Variants in CTNNA2 observed in about 807,000 individuals in gnomAD.
CTNNA2 encodes catenin alpha 2.
In CTNNA2, 42 loss-of-function variants were observed where a neutral mutation model predicts 101.0. That is an observed-to-expected ratio of 0.42 (90% CI 0.32 to 0.54). The LOEUF (loss-of-function observed/expected upper bound fraction) is 0.54, where lower values mean the gene tolerates loss of function less well. CTNNA2 is among the 20% of genes least tolerant of loss of function. The pLI, the probability that CTNNA2 is intolerant of heterozygous loss-of-function variation, is 0.14. For synonymous variants in CTNNA2, 450 were observed against 456.4 expected, an observed-to-expected ratio of 0.99 and a Z score of 0.18; for missense variants, 871 against 1,223.1, an observed-to-expected ratio of 0.71 and a Z score of 4.29.
chr2:80,632,277 A>AAC (rs141371762), intron 18 of CTNNA2, among the ~76,000 whole-genome samples: 8,701 of 147,716 alleles, frequency 0.059, 703 homozygotes, highest in African/African-American at 0.19. Flanking sequence ...CCCCCACCCC[A>AAC]ACACACACAC....
intron 9 of CTNNA2, among the ~76,000 whole-genome samples, chr2:80,544,471 CTAA>C (rs1299374122): frequency 6.6e-6 from 1 of 152,010 alleles, no homozygotes; most frequent in Non-Finnish European, 1.5e-5. Flanking sequence ...CAGCTGGCCT[CTAA>C]TAATATTTGA....
intron 2 of CTNNA2, among the ~76,000 whole-genome samples, chr2:79,254,846 G>A (rs1674821144): frequency 6.6e-6 from 1 of 152,128 alleles, no homozygotes; most frequent in Non-Finnish European, 1.5e-5. Context: ...CTTTATTAAA[G>A]TGCCTAGCGC....
chr2:79,208,173 G>T (rs904946352), intron 2 of CTNNA2, among the ~76,000 whole-genome samples: 3 of 152,092 alleles, frequency 2.0e-5, no homozygotes, highest in African/African-American at 7.2e-5. Flanking sequence ...TGCCCATCAT[G>T]AATGGGCATT....
intron 11 of CTNNA2, among the ~76,000 whole-genome samples, chr2:80,550,586 T>C (rs994079680): frequency 6.6e-6 from 1 of 152,248 alleles, no homozygotes; most frequent in African/African-American, 2.4e-5. Context: ...AATCCTTTGT[T>C]GTCATTTCAA....
intron 8 of CTNNA2, among the ~76,000 whole-genome samples, chr2:80,415,535 G>T (rs748605918): frequency 6.6e-6 from 1 of 152,208 alleles, no homozygotes; most frequent in African/African-American, 2.4e-5. Flanking sequence ...GTATGCATAT[G>T]TTTTCAATTT....
At chr2:79,750,725 A>T (rs564216567) in intron 3 of CTNNA2, among the ~76,000 whole-genome samples, 1 of 152,002 alleles carries the variant, frequency 6.6e-6, no homozygotes, top group African/African-American at 2.4e-5. Context: ...AAGAACCACA[A>T]CCAGGGGTTG....
intron 7 of CTNNA2, among the ~76,000 whole-genome samples, chr2:80,114,713 T>C (rs555288108): frequency 6.6e-6 from 1 of 152,280 alleles, no homozygotes; most frequent in South Asian, 2.1e-4. Context: ...TTCCACAGAA[T>C]TGCATTTTCT....
intron 4 of CTNNA2, among the ~76,000 whole-genome samples, chr2:79,432,132 C>T: frequency 6.6e-6 from 1 of 152,172 alleles, no homozygotes. Context: ...GTCAGTAGCA[C>T]AGGCTGGTTT....
At chr2:80,524,427 T>C (rs1472534959) in intron 9 of CTNNA2, among the ~76,000 whole-genome samples, 1 of 152,210 alleles carries the variant, frequency 6.6e-6, no homozygotes, top group East Asian at 1.9e-4. Context: ...GGTGTGCAAG[T>C]GCTCTTTAGG....
chr2:79,228,006 T>A (rs539333794), intron 2 of CTNNA2, among the ~76,000 whole-genome samples: 1 of 152,354 alleles, frequency 6.6e-6, no homozygotes, highest in East Asian at 1.9e-4. Context: ...TGCTGTATTT[T>A]GTTTTCTGTT....
At chr2:79,508,937 T>C (rs10186573), upstream of CTNNA2, among the ~76,000 whole-genome samples, 3,134 of 137,724 alleles carry the variant, frequency 0.023, 183 homozygotes, top group East Asian at 0.19. Flanking sequence ...AAAACATATA[T>C]ATATATTCAC....
intron 7 of CTNNA2, among the ~76,000 whole-genome samples, chr2:80,144,647 A>G (rs1703218961): frequency 6.6e-6 from 1 of 151,948 alleles, no homozygotes; most frequent in Admixed American, 6.6e-5. Flanking sequence ...GTTATTTTTC[A>G]CTTTCGCCCA....
intron 3 of CTNNA2, among the ~76,000 whole-genome samples, chr2:79,758,423 T>C (rs1041233630): frequency 4.6e-5 from 7 of 152,186 alleles, no homozygotes; most frequent in African/African-American, 1.7e-4. Context: ...ACTCTTCTTT[T>C]TTTAAAACAA....
chr2:80,037,973 A>G (rs1372964376), intron 7 of CTNNA2, among the ~76,000 whole-genome samples: 1 of 152,222 alleles, frequency 6.6e-6, no homozygotes, highest in Non-Finnish European at 1.5e-5. Context: ...CATTATTATT[A>G]GAAAGGGTGG....
intron 2 of CTNNA2, among the ~76,000 whole-genome samples, chr2:79,201,909 A>G (rs1470733203): frequency 1.3e-5 from 2 of 152,278 alleles, no homozygotes; most frequent in African/African-American, 2.4e-5. Flanking sequence ...TCAGTGGTAC[A>G]GTTTGCTTTT....
At chr2:80,096,030 T>C (rs1700124863) in intron 7 of CTNNA2, among the ~76,000 whole-genome samples, 1 of 152,070 alleles carries the variant, frequency 6.6e-6, no homozygotes, top group African/African-American at 2.4e-5. Flanking sequence ...CTTAGTTATT[T>C]CTTGCCTTCT....
chr2:80,294,282 A>G (rs1675529425), intron 7 of CTNNA2, among the ~76,000 whole-genome samples: 1 of 152,188 alleles, frequency 6.6e-6, no homozygotes, highest in Non-Finnish European at 1.5e-5. Flanking sequence ...CAAATATAAG[A>G]ATAATTCTAA....
At chr2:79,606,676 G>C (rs910783476) in intron 1 of CTNNA2, among the ~76,000 whole-genome samples, 2 of 152,180 alleles carry the variant, frequency 1.3e-5, no homozygotes, top group Non-Finnish European at 2.9e-5. Flanking sequence ...AGAAATGTCA[G>C]TGCCCTATTT....
intron 3 of CTNNA2, among the ~76,000 whole-genome samples, chr2:79,350,617 T>A (rs1250012542): frequency 6.6e-6 from 1 of 152,190 alleles, no homozygotes; most frequent in Non-Finnish European, 1.5e-5. Context: ...GAGTCTTTTT[T>A]AATATAATAA....
Sources: allele counts gnomAD v4.1 joint callset (sites outside exome capture counted in the v4.1 genomes callset), GRCh38; gene constraint gnomAD v4.1.1; transcripts MANE v1.5; gene names NCBI Gene and HGNC (gene_info 2026-07-23, HGNC 2026-07-21).